The following MRPS27 variants were observed in gnomAD, a reference collection of about 807,000 sequenced individuals.
MRPS27 encodes mitochondrial ribosomal protein S27.
Under a neutral mutation model 48.9 loss-of-function variants are expected in MRPS27, and 43 were observed. That is an observed-to-expected ratio of 0.88 (90% CI 0.69 to 1.13). MRPS27 has a LOEUF of 1.13. Among genes scored for constraint, MRPS27 ranks in the 50% most tolerant of loss-of-function variants. The pLI is 0.00. For synonymous variants in MRPS27, 188 were observed against 171.9 expected (o/e 1.09, Z -0.73); for missense variants, 467 against 476.3 (o/e 0.98, Z 0.18).
chr5:72,266,300 A>G (rs1299449335), intron 4 of MRPS27, among the ~76,000 whole-genome samples: 3 of 152,188 alleles, frequency 2.0e-5, no homozygotes, highest in South Asian at 2.1e-4. Flanking sequence ...TAGCTGAACC[A>G]TCCGTAACGT....
intron 7 of MRPS27, among the ~76,000 whole-genome samples, chr5:72,230,185 GCTC>G (rs1404869052): frequency 1.3e-5 from 2 of 152,164 alleles, no homozygotes; most frequent in African/African-American, 4.8e-5. Flanking sequence ...ATGAGCCACT[GCTC>G]CTGGCCCAAG....
At chr5:72,257,435 G>A (rs1748839908) in intron 4 of MRPS27, among the ~76,000 whole-genome samples, 1 of 152,138 alleles carries the variant, frequency 6.6e-6, no homozygotes, top group Non-Finnish European at 1.5e-5. Flanking sequence ...CTCTCAGAGG[G>A]CTGCTAGTGA....
At chr5:72,245,843 A>T (rs1255980705) in intron 4 of MRPS27, among the ~76,000 whole-genome samples, 2 of 152,206 alleles carry the variant, frequency 1.3e-5, no homozygotes, top group Admixed American at 6.5e-5. Flanking sequence ...AGTACTAATC[A>T]GGATTTCTTA....
At position 72,244,870 on chromosome 5, in the gene MRPS27, G is replaced by GCT. The variant is rs5868631; in HGVS notation, c.282-6744_282-6743dup. 8.2e-3 allele frequency among the ~76,000 whole-genome samples: 1,228 copies of GCT among 149,682 alleles called. 13 individuals carry two copies. Among genetic ancestry groups the GCT allele is most frequent in the East Asian group, 0.048 (244 of 5,098 alleles). On this transcript the variant is annotated intron_variant, in intron 4 of 10. Coordinates refer to ENST00000261413, the MANE Select transcript of MRPS27 (RefSeq NM_015084.3). ...CTATAGACAGACTGTAAGCTCTGCT[G>GCT]CTCTCTCTCTCTCTCTCTCTCTTAC... is the stretch of plus-strand genomic sequence containing the variant.
intron 4 of MRPS27, among the ~76,000 whole-genome samples, chr5:72,278,782 G>A (rs937241371): frequency 6.6e-6 from 1 of 151,930 alleles, no homozygotes; most frequent in Non-Finnish European, 1.5e-5. Context: ...ATATATATGT[G>A]TATGTGTGTA....
chr5:72,274,116 G>T (rs773765176), intron 4 of MRPS27, among the ~76,000 whole-genome samples: 16 of 152,144 alleles, frequency 1.1e-4, no homozygotes, highest in Non-Finnish European at 2.2e-4. Flanking sequence ...CACTTTAGGA[G>T]GCTGAGATGG....
chr5:72,231,396 C>T (rs1486078732), intron 7 of MRPS27, among the ~76,000 whole-genome samples: 6 of 152,088 alleles, frequency 3.9e-5, no homozygotes, highest in Non-Finnish European at 5.9e-5. Flanking sequence ...GTTTAAAATA[C>T]AGAGAAAACT....
intron 4 of MRPS27, among the ~76,000 whole-genome samples, chr5:72,286,728 G>T (rs1749682024): frequency 6.6e-6 from 1 of 152,170 alleles, no homozygotes; most frequent in Non-Finnish European, 1.5e-5. Flanking sequence ...CCTGTCAGCT[G>T]CTGTTAGCTG....
chr5:72,288,879 A>T (rs2112047690), intron 4 of MRPS27: 1 of 152,338 alleles, frequency 6.6e-6, no homozygotes, highest in Non-Finnish European at 1.5e-5. Flanking sequence ...GCGTAAACGA[A>T]TGCATGCTGT....
At chr5:72,254,311 A>C (rs1450444673) in intron 4 of MRPS27, among the ~76,000 whole-genome samples, 1 of 152,180 alleles carries the variant, frequency 6.6e-6, no homozygotes, top group African/African-American at 2.4e-5. Context: ...AAAACCTAGG[A>C]AACTAGGGAG....
intron 8 of MRPS27, among the ~76,000 whole-genome samples, chr5:72,226,424 G>A (rs1332282493): frequency 6.6e-6 from 1 of 152,180 alleles, no homozygotes; most frequent in Non-Finnish European, 1.5e-5. Context: ...AAAATTACAT[G>A]AACTTAGTTT....
intron 8 of MRPS27, chr5:72,227,982 C>T (rs906034511): frequency 2.3e-6 from 1 of 439,338 alleles, no homozygotes; most frequent in Non-Finnish European, 4.0e-6. Flanking sequence ...AGGGCCAGAA[C>T]ATCCCTTTCT....
At chr5:72,268,005 T>A (rs1047081026) in intron 4 of MRPS27, among the ~76,000 whole-genome samples, 1 of 152,122 alleles carries the variant, frequency 6.6e-6, no homozygotes, top group Non-Finnish European at 1.5e-5. Flanking sequence ...GAAGAATGAT[T>A]TTTAGAGGCA....
Position 72,284,462 on chromosome 5 carries a change from C to CTG in MRPS27, c.281+11067_281+11068dup, listed in dbSNP as rs573093903. Among the ~76,000 whole-genome samples the CTG allele has an allele frequency of 6.1e-3, 913 of 149,676 alleles. 9 individuals carry two copies. The highest frequency in any genetic ancestry group is 0.021 in the African/African-American group (863 of 40,756). ...AAAAAAAAATTTGGTTAATTTCCTTCTGTGTGTGTGTGTGAGAGAGAGAGA... is the reference window on the plus strand; with the variant it reads ...AAAAAAAAATTTGGTTAATTTCCTTCTGTGTGTGTGTGTGTGAGAGAGAGAGA... On this transcript the variant is annotated intron_variant, in intron 4 of 10. Transcript: ENST00000261413.
intron 1 of MRPS27, among the ~76,000 whole-genome samples, chr5:72,316,802 G>T (rs900188714): frequency 6.6e-6 from 1 of 151,710 alleles, no homozygotes. Flanking sequence ...GGCCGAGGTG[G>T]GCGGATCACC....
intron 9 of MRPS27, 50 bp from the exon 10 acceptor site, chr5:72,223,900 C>A: frequency 6.3e-7 from 1 of 1,584,672 alleles, no homozygotes; most frequent in South Asian, 1.1e-5. Context: ...GGCCCAAAAG[C>A]ACATGGTGAA....
intron 4 of MRPS27, among the ~76,000 whole-genome samples, chr5:72,244,607 G>A (rs1467342310): frequency 1.3e-5 from 2 of 152,198 alleles, no homozygotes; most frequent in Non-Finnish European, 2.9e-5. Flanking sequence ...TATTTACTGA[G>A]TAGCTACCTT....
chr5:72,307,111 G>A (rs1750290595), intron 2 of MRPS27, among the ~76,000 whole-genome samples: 1 of 151,996 alleles, frequency 6.6e-6, no homozygotes, highest in Non-Finnish European at 1.5e-5. Flanking sequence ...CCCAGCACTT[G>A]GGGAGGCCGA....
At chr5:72,252,672 G>A (rs1276002671) in intron 4 of MRPS27, among the ~76,000 whole-genome samples, 1 of 152,172 alleles carries the variant, frequency 6.6e-6, no homozygotes, top group African/African-American at 2.4e-5. Context: ...GCATTCAGAT[G>A]GCCTGCTTTA....
Sources: allele counts gnomAD v4.1 joint callset (sites outside exome capture counted in the v4.1 genomes callset), GRCh38; gene constraint gnomAD v4.1.1; transcripts MANE v1.5; gene names NCBI Gene and HGNC (gene_info 2026-07-23, HGNC 2026-07-21).